The following UBE2E2 variants were observed in gnomAD, a reference collection of about 807,000 sequenced individuals.
UBE2E2 encodes the protein ubiquitin-conjugating enzyme E2 E2.
UBE2E2 carries 6 observed loss-of-function variants against 24.7 expected under a neutral mutation model. That is an observed-to-expected ratio of 0.24 (90% CI 0.13 to 0.48). UBE2E2 has a LOEUF of 0.48. Among genes scored for constraint, UBE2E2 ranks in the 20% least tolerant of loss-of-function variants. The pLI, the probability that UBE2E2 is intolerant of heterozygous loss-of-function variation, is 0.99. For missense variants in UBE2E2, 169 were observed against 245.0 expected, an observed-to-expected ratio of 0.69 and a Z score of 2.07; for synonymous variants, 104 against 83.6, an observed-to-expected ratio of 1.24 and a Z score of -1.33.
chr3:23,340,472 T>A (rs530291437), intron 3 of UBE2E2, among the ~76,000 whole-genome samples: 10 of 152,292 alleles, frequency 6.6e-5, no homozygotes, highest in African/African-American at 2.2e-4. Context: ...GTTGCCATTA[T>A]GAAGCACACA....
intron 3 of UBE2E2, among the ~76,000 whole-genome samples, chr3:23,262,397 C>A (rs2125355122): frequency 6.6e-6 from 1 of 152,256 alleles, no homozygotes; most frequent in South Asian, 2.1e-4. Context: ...CTTGCCTCAG[C>A]CTCCCAAGTA....
intron 3 of UBE2E2, among the ~76,000 whole-genome samples, chr3:23,388,354 A>G (rs956532403): frequency 3.0e-4 from 46 of 152,192 alleles, no homozygotes; most frequent in African/African-American, 9.9e-4. Context: ...ATTTGGGGAT[A>G]TTCTCTCTGC....
intron 5 of UBE2E2, among the ~76,000 whole-genome samples, chr3:23,561,471 A>G (rs949345644): frequency 5.9e-5 from 9 of 152,148 alleles, no homozygotes; most frequent in South Asian, 2.1e-4. Flanking sequence ...TTTGGTTACT[A>G]TGGCCTTGTA....
upstream of UBE2E2, chr3:23,203,121 C>A: frequency 1.0e-6 from 1 of 982,470 alleles, no homozygotes; most frequent in Non-Finnish European, 1.2e-6. Flanking sequence ...GGTGCGCGCG[C>A]GGACGGCCGG....
chr3:23,470,796 G>C (rs1699018703), intron 3 of UBE2E2, among the ~76,000 whole-genome samples: 1 of 146,922 alleles, frequency 6.8e-6, no homozygotes, highest in African/African-American at 2.6e-5. Context: ...AAAACCATGA[G>C]AGATTACTTT....
At chr3:23,561,391 G>A (rs1429627640) in intron 5 of UBE2E2, among the ~76,000 whole-genome samples, 2 of 152,062 alleles carry the variant, frequency 1.3e-5, no homozygotes, top group African/African-American at 4.8e-5. Flanking sequence ...TAGATGTGTG[G>A]TATTATTTCT....
At chr3:23,323,224 A>G (rs1187757469) in intron 3 of UBE2E2, among the ~76,000 whole-genome samples, 1 of 152,102 alleles carries the variant, frequency 6.6e-6, no homozygotes, top group Non-Finnish European at 1.5e-5. Context: ...TTTCTGTTTT[A>G]TTGATGAAGA....
intron 3 of UBE2E2, among the ~76,000 whole-genome samples, chr3:23,379,368 A>G: frequency 1.3e-5 from 2 of 150,334 alleles, no homozygotes; most frequent in Non-Finnish European, 3.0e-5. Flanking sequence ...AGCATTAGGT[A>G]TATCCCCCGA....
chr3:23,310,069 C>G (rs774475920), intron 3 of UBE2E2, among the ~76,000 whole-genome samples: 2 of 152,044 alleles, frequency 1.3e-5, no homozygotes, highest in African/African-American at 4.8e-5. Context: ...TTCAACAGAC[C>G]GAGATTAGAC....
chr3:23,333,962 A>G (rs758916877), intron 3 of UBE2E2, among the ~76,000 whole-genome samples: 1 of 152,162 alleles, frequency 6.6e-6, no homozygotes, highest in African/African-American at 2.4e-5. Flanking sequence ...TGTTCTTTCA[A>G]TTGTATTATT....
chr3:23,282,320 G>A (rs1401470225), intron 3 of UBE2E2, among the ~76,000 whole-genome samples: 1 of 152,096 alleles, frequency 6.6e-6, no homozygotes, highest in Admixed American at 6.6e-5. Context: ...TTAATATAAT[G>A]AATACATATA....
chr3:23,590,542 A>C lies in UBE2E2; in HGVS notation c.*711A>C, dbSNP rs1232946340. 1.3e-5 allele frequency: 2 copies of C among 152,688 alleles called. No individual in the cohort carries two copies. Among genetic ancestry groups the C allele is most frequent in the Non-Finnish European group, 2.9e-5 (2 of 68,060 alleles). 9.5% of individuals were successfully genotyped at this position (152,688 alleles called of 1,614,324 possible). Reference sequence around the variant, plus strand: ...GGATCAGTTGATGTACACTTGTATTATTAAAGCACTCAATAAATCACTGTG... The same window carrying C: ...GGATCAGTTGATGTACACTTGTATTCTTAAAGCACTCAATAAATCACTGTG... On this transcript the variant is annotated 3_prime_UTR_variant, in exon 6 of 6. Coordinates refer to ENST00000396703, the MANE Select transcript of UBE2E2 (RefSeq NM_152653.4).
intron 3 of UBE2E2, among the ~76,000 whole-genome samples, chr3:23,398,567 A>T (rs764529652): frequency 1.3e-5 from 2 of 152,214 alleles, no homozygotes; most frequent in Non-Finnish European, 2.9e-5. Flanking sequence ...AACTGAGTAT[A>T]CATTATAGGT....
chr3:23,504,868 A>T (rs1161996560), intron 4 of UBE2E2, among the ~76,000 whole-genome samples: 1 of 140,190 alleles, frequency 7.1e-6, no homozygotes, highest in East Asian at 2.2e-4. Context: ...CTTTGAAAAT[A>T]TTGTGACACT....
intron 3 of UBE2E2, among the ~76,000 whole-genome samples, chr3:23,346,558 G>T (rs1695563100): frequency 6.6e-6 from 1 of 152,190 alleles, no homozygotes; most frequent in African/African-American, 2.4e-5. Flanking sequence ...TTATAAAAGT[G>T]TTCACTGTTT....
At chr3:23,258,900 GAAAAAAAAAAAAAA>G (rs11333992) in intron 3 of UBE2E2, among the ~76,000 whole-genome samples, 1 of 78,904 alleles carries the variant, frequency 1.3e-5, no homozygotes, top group Non-Finnish European at 2.4e-5. Flanking sequence ...CTCAAAAAAA[GAAAAAAAAAAAAAA>G]AAAAAAAAAA....
chr3:23,500,889 G>A (rs1225727152), intron 4 of UBE2E2, among the ~76,000 whole-genome samples: 1 of 152,146 alleles, frequency 6.6e-6, no homozygotes, highest in African/African-American at 2.4e-5. Flanking sequence ...TGGAAAGCCT[G>A]GCTCCAAAGC....
chr3:23,214,229 G>A (rs902175674), intron 2 of UBE2E2, among the ~76,000 whole-genome samples: 2 of 151,948 alleles, frequency 1.3e-5, no homozygotes, highest in African/African-American at 4.8e-5. Flanking sequence ...ATTTTATATA[G>A]AATTATATGA....
In UBE2E2 at chr3:23,228,763, C is replaced by T. The variant is rs570203929; in HGVS notation, c.227+11451C>T. Among the ~76,000 whole-genome samples, 26 of 152,306 alleles carry T rather than the reference C, an allele frequency of 1.7e-4. No homozygotes were observed. The South Asian group carries it at 3.7e-3, about 22-fold the overall frequency. On this transcript the variant is annotated intron_variant, in intron 3 of 5. Coordinates refer to ENST00000396703, the MANE Select transcript of UBE2E2 (RefSeq NM_152653.4). The stretch of plus-strand genomic sequence containing the variant: ...GATGCCTTTAAGGGTATATCTCAAT[C>T]CGTATTTGTGTAGAGGCAGCACTTT...
Sources: allele counts gnomAD v4.1 joint callset (sites outside exome capture counted in the v4.1 genomes callset), GRCh38; gene constraint gnomAD v4.1.1; transcripts MANE v1.5; gene names NCBI Gene and HGNC (gene_info 2026-07-23, HGNC 2026-07-21).